The following INO80 variants were observed in gnomAD, a reference collection of about 807,000 sequenced individuals.
INO80 encodes the protein chromatin-remodeling ATPase INO80.
In INO80, 20 loss-of-function variants were observed where a neutral mutation model predicts 203.4. The ratio of observed to expected loss-of-function variants is 0.10; its 90% CI spans 0.07 to 0.14. INO80 has a LOEUF of 0.14. Among genes scored for constraint, INO80 ranks in the 10% least tolerant of loss-of-function variants. The pLI, the probability that INO80 is intolerant of heterozygous loss-of-function variation, is 1.00. For missense variants in INO80, 1,419 were observed against 1,914.4 expected (o/e 0.74, Z 4.83); for synonymous variants, 726 against 685.2 (o/e 1.06, Z -0.93).
chr15:41,017,038 G>C (rs1207624478), intron 26 of INO80: 8 of 151,828 alleles, frequency 5.3e-5, no homozygotes, highest in African/African-American at 1.9e-4. Context: ...ACTGCAAATA[G>C]GTTGACTGGT....
Position 41,045,167 on chromosome 15 carries a change from ACT to A in INO80, c.2736-94_2736-93del, listed in dbSNP as rs2044734095. On this transcript the variant is annotated intron_variant, in intron 23 of 35. Transcript: ENST00000648947. ...GCAAGGATTGTCTCTCATTAACATAACTCTTTTGTAAATCTTTATCATTTTAG... is the reference window on the plus strand; with the variant it reads ...GCAAGGATTGTCTCTCATTAACATAACTTTTGTAAATCTTTATCATTTTAG... 6.7e-5 allele frequency: 60 copies of A among 892,744 alleles called. 2 individuals are homozygous for A. In the South Asian group the frequency reaches 1.4e-3, roughly 21 times the overall value. The allele number at this position is 892,744 out of a possible 1,614,324, so 55.3% of individuals were successfully genotyped here.
intron 1 of INO80, among the ~76,000 whole-genome samples, 158 bp downstream of exon 1, chr15:41,115,815 G>C (rs1369872508): frequency 1.3e-5 from 2 of 152,210 alleles, no homozygotes; most frequent in African/African-American, 4.8e-5. Flanking sequence ...ACCCTGCGGG[G>C]AGTGTCCACA....
intron 14 of INO80, 39 bp downstream of exon 14, chr15:41,069,531 T>TCTTTA (rs751045816): frequency 1.6e-6 from 2 of 1,230,838 alleles, no homozygotes; most frequent in South Asian, 1.3e-5. Flanking sequence ...AAAGTTTATT[T>TCTTTA]TAAAGAGCAA....
chr15:41,002,077 T>TTG (rs1285788158), intron 28 of INO80, among the ~76,000 whole-genome samples: 2 of 152,206 alleles, frequency 1.3e-5, no homozygotes, highest in Non-Finnish European at 2.9e-5. Flanking sequence ...AGCAACCAGT[T>TTG]TGTAATGTAG....
chr15:41,064,829 T>A (rs2045181123), intron 14 of INO80, among the ~76,000 whole-genome samples: 1 of 151,954 alleles, frequency 6.6e-6, no homozygotes, highest in Non-Finnish European at 1.5e-5. Flanking sequence ...AAACTCAGCC[T>A]CTACTAAGAA....
intron 1 of INO80, among the ~76,000 whole-genome samples, chr15:41,112,924 T>C (rs917365388): frequency 3.9e-5 from 6 of 151,922 alleles, no homozygotes; most frequent in African/African-American, 1.2e-4. Flanking sequence ...TATTTTGTTG[T>C]TGTTGTTGTT....
At position 41,087,621 on chromosome 15, in the gene INO80, T is replaced by G. The variant is rs1223313281; in HGVS notation, c.599A>C (p.Gln200Pro). 3.7e-6 allele frequency: 6 copies of G among 1,613,912 alleles called. No individual in the cohort carries two copies. In the African/African-American group the frequency reaches 4.0e-5, roughly 11 times the overall value. ...CTTGGGTCCAAGTAGGTGCCGTTGT[T>G]GCTCATAGAAAGGGTCATATGTGGA... ...LLSTYDPFYE[Q>P]QRHLLGPKKK... Residue 200 changes from glutamine (Q) to proline (P), a missense_variant, in exon 6 of 36, where the codon CAA becomes CCA. This residue lies in a region of INO80 where 323 missense variants were observed against 325.4 expected (regional missense o/e 0.99). Coordinates refer to ENST00000648947, the MANE Select transcript of INO80 (RefSeq NM_017553.3).
chr15:40,997,735 C>A, intron 28 of INO80, 134 bp from the exon 29 acceptor site: 1 of 614,042 alleles, frequency 1.6e-6, no homozygotes. Flanking sequence ...CTAGGCCTGA[C>A]TGTATTTCTG....
At chr15:41,110,093 CAA>C (rs544086962) in intron 1 of INO80, among the ~76,000 whole-genome samples, 6 of 125,942 alleles carry the variant, frequency 4.8e-5, no homozygotes, top group Admixed American at 8.1e-5. Context: ...AACTCCGTCT[CAA>C]AAAAAAAAAA....
At chr15:41,011,528 C>T (rs1447081366) in intron 27 of INO80, 1 of 151,412 alleles carries the variant, frequency 6.6e-6, no homozygotes, top group Admixed American at 6.6e-5. Context: ...TTTCCTTCTA[C>T]AATTCTTAAG....
chr15:41,051,164 A>T (rs1201170465), intron 19 of INO80, among the ~76,000 whole-genome samples: 1 of 142,980 alleles, frequency 7.0e-6, no homozygotes, highest in Non-Finnish European at 1.5e-5. Flanking sequence ...CCATAATCAA[A>T]CCTACCTTAC....
chr15:41,113,194 T>A (rs1053202410), intron 1 of INO80, among the ~76,000 whole-genome samples: 1 of 151,668 alleles, frequency 6.6e-6, no homozygotes, highest in Non-Finnish European at 1.5e-5. Context: ...GGATTACAGG[T>A]GTGAGCCACC....
At chr15:41,077,493 A>T (rs1377446773) in intron 9 of INO80, among the ~76,000 whole-genome samples, 1 of 152,118 alleles carries the variant, frequency 6.6e-6, no homozygotes, top group Non-Finnish European at 1.5e-5. Flanking sequence ...TGAGAAAGAG[A>T]GTGAGAGAAA....
rs752657091 is a variant in INO80 at position 41,020,969 on chromosome 15, A to G, written c.3205T>C (p.Phe1069Leu). Residue 1069 changes from phenylalanine (F) to leucine (L), a missense_variant, in exon 26 of 36, where the codon TTC (phenylalanine) becomes CTC (leucine). Physicochemically the swap from Phe to Leu is conservative, Grantham distance 22 (BLOSUM62 0). Coordinates refer to ENST00000648947, the MANE Select transcript of INO80 (RefSeq NM_017553.3). ...ADWLNRRSQF[F>L]PEPAGGLWSI... ...CACAGACCTCCAGCTGGCTCTGGGA[A>G]GAACTGTGATCGTCTATTTAGCCAG... 3.1e-6 allele frequency: 5 copies of G among 1,614,046 alleles called. No individual in the cohort carries two copies. Among genetic ancestry groups the G allele is most frequent in the Non-Finnish European group, 4.2e-6 (5 of 1,180,020 alleles).
intron 29 of INO80, among the ~76,000 whole-genome samples, chr15:40,993,771 A>T (rs2043845287): frequency 6.6e-5 from 1 of 15,086 alleles, no homozygotes; most frequent in South Asian, 4.0e-3. Flanking sequence ...AAAATAAATA[A>T]ATAAATAAAA....
Position 41,021,087 on chromosome 15 carries a change from T to G in INO80, c.3087A>C (p.Arg1029=), listed in dbSNP as rs150633512. ...GAACTCGCCTTTCATATTCTGCACT[T>G]CGGTCATTGCAGTAAGAATCCAATG... The part of the protein sequence containing the change: ...AVPLDSYCND[R]SAEYERRVLK... Residue 1029 remains arginine (R), a synonymous_variant, in exon 26 of 36, where the codon CGA becomes CGC. Transcript: ENST00000648947. 3.1e-6 allele frequency: 5 copies of G among 1,614,060 alleles called. No individual in the cohort carries two copies. The African/African-American group carries it at 6.7e-5, about 22-fold the overall frequency.
intron 18 of INO80, 88 bp from the exon 19 acceptor site, chr15:41,054,102 C>A: frequency 1.1e-6 from 1 of 949,342 alleles, no homozygotes; most frequent in Non-Finnish European, 1.6e-6. Flanking sequence ...TCTCACCAAA[C>A]TCTTCAAAAC....
chr15:41,033,627 T>G (rs1025050383), intron 24 of INO80, among the ~76,000 whole-genome samples: 1 of 152,218 alleles, frequency 6.6e-6, no homozygotes, highest in African/African-American at 2.4e-5. Flanking sequence ...CCTGAAATTC[T>G]TAATAGCAAT....
chr15:40,986,841 G>C (rs1403721775), intron 31 of INO80, among the ~76,000 whole-genome samples: 3 of 152,062 alleles, frequency 2.0e-5, no homozygotes, highest in Non-Finnish European at 4.4e-5. Context: ...TGGCCAGGCT[G>C]GTCTCAAACT....
Sources: allele counts gnomAD v4.1 joint callset (sites outside exome capture counted in the v4.1 genomes callset), GRCh38; gene constraint gnomAD v4.1.1; regional missense constraint gnomAD v4.1.1; transcripts MANE v1.5; gene names NCBI Gene and HGNC (gene_info 2026-07-23, HGNC 2026-07-21).